ZFP2: variants seen among roughly 807,000 people sequenced by gnomAD.
The protein encoded by ZFP2 is zinc finger protein ZFP2.
Under a neutral mutation model 36.1 loss-of-function variants are expected in ZFP2, and 33 were observed. The ratio of observed to expected loss-of-function variants is 0.92; its 90% CI spans 0.69 to 1.22. The LOEUF is 1.22. Among genes scored for constraint, ZFP2 ranks in the 50% most tolerant of loss-of-function variants. The pLI is 0.00. For missense variants in ZFP2, 522 were observed against 551.4 expected (o/e 0.95, Z 0.53); for synonymous variants, 170 against 178.0 (o/e 0.96, Z 0.36).
chr5:178,900,313 C>T (rs531763774), intron 1 of ZFP2, among the ~76,000 whole-genome samples: 2 of 151,980 alleles, frequency 1.3e-5, no homozygotes, highest in Non-Finnish European at 1.5e-5. Flanking sequence ...CCAGTGTCCT[C>T]GTGCCACTTC....
chr5:178,896,544 C>T (rs1044535797), intron 1 of ZFP2, among the ~76,000 whole-genome samples: 1 of 152,202 alleles, frequency 6.6e-6, no homozygotes, highest in Admixed American at 6.5e-5. Flanking sequence ...GGCGTGGGCT[C>T]CCCTCCCATC....
chr5:178,919,924 ACTGCACTTCAGC>A (rs1758519082), intron 4 of ZFP2, among the ~76,000 whole-genome samples: 1 of 152,034 alleles, frequency 6.6e-6, no homozygotes, highest in South Asian at 2.1e-4. Flanking sequence ...AGGTTGTACC[ACTGCACTTCAGC>A]CTGGGCGACA....
At chr5:178,903,313 T>C (rs1758096634) in intron 1 of ZFP2, among the ~76,000 whole-genome samples, 3 of 152,224 alleles carry the variant, frequency 2.0e-5, no homozygotes, top group African/African-American at 4.8e-5. Flanking sequence ...TTTATTTGCC[T>C]TTAAATTTAA....
chr5:178,927,663 ATGTGTGTGTGTGTGTGTGTGTGTG>A (rs33974182), intron 4 of ZFP2, among the ~76,000 whole-genome samples: 2 of 92,546 alleles, frequency 2.2e-5, no homozygotes, highest in Non-Finnish European at 4.8e-5. Context: ...TACCTGGCCA[ATGTGTGTGTGTGTGTGTGTGTGTG>A]TGTGTGTGTG....
Position 178,913,071 on chromosome 5 carries a change from G to C in ZFP2, c.-224G>C, listed in dbSNP as rs1758330135. ...AGAACCGCCTGAGGGTGGCTTTCGAGGTAAGTGCCAGGCTGTGCAGACTTG... is the reference window on the plus strand; with the variant it reads ...AGAACCGCCTGAGGGTGGCTTTCGACGTAAGTGCCAGGCTGTGCAGACTTG... On this transcript the variant is annotated splice_region_variant and 5_prime_UTR_variant, in exon 3 of 5. Transcript: ENST00000361362. 1 of 985,682 alleles carries C rather than the reference G, an allele frequency of 1.0e-6. No individual in the cohort carries two copies. Among genetic ancestry groups the C allele is most frequent in the Admixed American group, 6.1e-5 (1 of 16,270 alleles). 61.1% of individuals were successfully genotyped at this position (985,682 alleles called of 1,614,324 possible).
chr5:178,918,194 G>A (rs1758481003), intron 4 of ZFP2, among the ~76,000 whole-genome samples: 1 of 152,076 alleles, frequency 6.6e-6, no homozygotes, highest in African/African-American at 2.4e-5. Flanking sequence ...GCTATATCCT[G>A]AGCACCCAGA....
At chr5:178,930,346 A>AGTCTCACTCTGTCACCCAGG (rs2113129878) in intron 4 of ZFP2, among the ~76,000 whole-genome samples, 1 of 82,906 alleles carries the variant, frequency 1.2e-5, no homozygotes, top group African/African-American at 4.5e-5. Flanking sequence ...TTTGAGACAG[A>AGTCTCACTCTGTCACCCAGG]GTCTCACTCT....
At chr5:178,925,279 G>A (rs890510771) in intron 4 of ZFP2, among the ~76,000 whole-genome samples, 1 of 148,526 alleles carries the variant, frequency 6.7e-6, no homozygotes, top group Non-Finnish European at 1.5e-5. Context: ...AACACTTGAC[G>A]ATCTTGTTAT....
At chr5:178,914,658 G>A (rs962874209) in intron 3 of ZFP2, among the ~76,000 whole-genome samples, 1 of 151,638 alleles carries the variant, frequency 6.6e-6, no homozygotes, top group Non-Finnish European at 1.5e-5. Context: ...GAAGAAGGGA[G>A]GGGGGGACAG....
At chr5:178,898,074 T>C (rs1757978123) in intron 1 of ZFP2, among the ~76,000 whole-genome samples, 1 of 152,188 alleles carries the variant, frequency 6.6e-6, no homozygotes, top group African/African-American at 2.4e-5. Context: ...CTGCAACCTC[T>C]ACCTCCCCGG....
At chr5:178,920,157 T>A (rs1336235717) in intron 4 of ZFP2, among the ~76,000 whole-genome samples, 2 of 152,274 alleles carry the variant, frequency 1.3e-5, no homozygotes, top group Non-Finnish European at 2.9e-5. Context: ...TTTGTTGTTG[T>A]CCCATACATC....
intron 1 of ZFP2, chr5:178,909,586 C>A: frequency 1.1e-6 from 1 of 939,398 alleles, no homozygotes; most frequent in Non-Finnish European, 1.4e-6. Context: ...AGTCTGATCA[C>A]CCCAACAAAG....
At chr5:178,926,338 A>C (rs997831648) in intron 4 of ZFP2, among the ~76,000 whole-genome samples, 6 of 151,994 alleles carry the variant, frequency 3.9e-5, no homozygotes, top group African/African-American at 1.5e-4. Context: ...TTATCTTTGG[A>C]TAGAAGCAGT....
At position 178,909,772 on chromosome 5, in the gene ZFP2, C is replaced by G; in HGVS notation, c.-449-2812C>G. The G allele has an allele frequency of 3.2e-6, 5 of 1,579,456 alleles. No homozygotes were observed. The South Asian group carries it at 5.9e-5, about 18-fold the overall frequency. On this transcript the variant is annotated intron_variant, in intron 1 of 4. Transcript: ENST00000361362. ...CTGAGTGCACCTCTCCCTTCCTCTT[C>G]TCTTTTCCTTCGCTTCATTTCCCAC...
At chr5:178,923,776 A>C (rs575762878) in intron 4 of ZFP2, among the ~76,000 whole-genome samples, 1 of 148,046 alleles carries the variant, frequency 6.8e-6, no homozygotes, top group Non-Finnish European at 1.5e-5. Flanking sequence ...CGTAAGCATC[A>C]ACTCCTCAGA....
intron 2 of ZFP2, 47 bp downstream of exon 2, chr5:178,912,766 G>T (rs1758323070): frequency 1.9e-6 from 2 of 1,047,764 alleles, no homozygotes; most frequent in South Asian, 3.7e-5. Context: ...CAATCATAAG[G>T]CCTGATCATA....
intron 1 of ZFP2, among the ~76,000 whole-genome samples, chr5:178,908,594 C>T (rs574033868): frequency 1.3e-5 from 2 of 150,050 alleles, no homozygotes; most frequent in Non-Finnish European, 3.0e-5. Flanking sequence ...CCCATCCCCC[C>T]CTCCCTGCTC....
At chr5:178,900,661 G>A (rs1354892028) in intron 1 of ZFP2, among the ~76,000 whole-genome samples, 2 of 24,376 alleles carry the variant, frequency 8.2e-5, no homozygotes, top group Admixed American at 8.7e-4. Flanking sequence ...TCTACCCCAC[G>A]TCCCCCACCC....
intron 1 of ZFP2, among the ~76,000 whole-genome samples, chr5:178,898,139 C>T (rs1201970461): frequency 1.3e-5 from 2 of 152,122 alleles, no homozygotes; most frequent in Non-Finnish European, 2.9e-5. Flanking sequence ...CAGGCGCCCA[C>T]CACCACTCTC....
Sources: allele counts gnomAD v4.1 joint callset (sites outside exome capture counted in the v4.1 genomes callset), GRCh38; gene constraint gnomAD v4.1.1; transcripts MANE v1.5; gene names NCBI Gene and HGNC (gene_info 2026-07-23, HGNC 2026-07-21).